The following PTGFR variants were observed in gnomAD, a reference collection of about 807,000 sequenced individuals.
PTGFR encodes the protein prostaglandin F2-alpha receptor.
Under a neutral mutation model 26.2 loss-of-function variants are expected in PTGFR, and 15 were observed. The observed-to-expected ratio is 0.57, with a 90% confidence interval of 0.38 to 0.88. PTGFR has a LOEUF of 0.88. Ranked by LOEUF, PTGFR falls within the 40% of genes least tolerant of loss-of-function variation. The pLI is 0.00. For synonymous variants in PTGFR, 165 were observed against 151.1 expected (o/e 1.09, Z -0.68); for missense variants, 369 against 427.2 (o/e 0.86, Z 1.20).
chr1:78,518,780 T>G (rs1650156575), intron 2 of PTGFR, among the ~76,000 whole-genome samples: 1 of 152,094 alleles, frequency 6.6e-6, no homozygotes, highest in South Asian at 2.1e-4. Context: ...TTCAAATGTG[T>G]AAAACATGAG....
intron 2 of PTGFR, among the ~76,000 whole-genome samples, chr1:78,508,344 G>A (rs1649875431): frequency 6.6e-6 from 1 of 152,140 alleles, no homozygotes; most frequent in East Asian, 1.9e-4. Flanking sequence ...TAATAATAGT[G>A]TTTTTCCTCT....
intron 2 of PTGFR, among the ~76,000 whole-genome samples, chr1:78,522,364 T>C (rs1392256004): frequency 6.6e-6 from 1 of 152,096 alleles, no homozygotes; most frequent in Non-Finnish European, 1.5e-5. Context: ...CCATGCCATA[T>C]AATATAACAT....
At chr1:78,499,977 T>C (rs1649660749) in intron 2 of PTGFR, among the ~76,000 whole-genome samples, 1 of 152,192 alleles carries the variant, frequency 6.6e-6, no homozygotes, top group South Asian at 2.1e-4. Context: ...AAGGAAAATA[T>C]TAGGTAACAG....
Position 78,537,010 on chromosome 1 carries a change from T to C in PTGFR, c.*323T>C, listed in dbSNP as rs1017864318. 8 of 257,798 alleles carry C rather than the reference T, an allele frequency of 3.1e-5. No homozygotes were observed. 16.0% of individuals were successfully genotyped at this position (257,798 alleles called of 1,614,324 possible). ...GGTCTAATGCCTTTACTTGGCCTATTTGCCAGAGAACATCTTAATGCAGCC... is the reference window on the plus strand; with the variant it reads ...GGTCTAATGCCTTTACTTGGCCTATCTGCCAGAGAACATCTTAATGCAGCC... On this transcript the variant is annotated 3_prime_UTR_variant, in exon 3 of 3. Transcript: ENST00000370757.
chr1:78,499,569 T>A (rs1649648692), intron 2 of PTGFR, among the ~76,000 whole-genome samples: 1 of 152,196 alleles, frequency 6.6e-6, no homozygotes, highest in Non-Finnish European at 1.5e-5. Context: ...CAGGACCTGG[T>A]TGATAGCCCC....
chr1:78,528,599 T>C (rs997425309), intron 2 of PTGFR, among the ~76,000 whole-genome samples: 2 of 152,156 alleles, frequency 1.3e-5, no homozygotes, highest in Non-Finnish European at 1.5e-5. Flanking sequence ...ATTTGGTCTG[T>C]AGGTTTAGAT....
Position 78,539,355 on chromosome 1 carries a change from TTAAATA to T in PTGFR, c.*2671_*2676del, listed in dbSNP as rs1650737180. ...TTTAGAACCCAAATAAGAGGACTTG[TTAAATA>T]TAGAGTGTACTTTTTGTTAAAACTA... On this transcript the variant is annotated 3_prime_UTR_variant, in exon 3 of 3. Transcript: ENST00000370757. 6.6e-6 allele frequency: 1 copy of T among 152,178 alleles called. No individual in the cohort carries two copies. The highest frequency in any genetic ancestry group is 1.5e-5 in the Non-Finnish European group (1 of 67,994). 9.4% of individuals were successfully genotyped at this position (152,178 alleles called of 1,614,324 possible). A position where few individuals can be genotyped will look rare whatever the true frequency, so the allele number is the denominator to read the frequency against.
At chr1:78,509,815 A>G (rs183669267) in intron 2 of PTGFR, among the ~76,000 whole-genome samples, 185 of 152,302 alleles carry the variant, frequency 1.2e-3, no homozygotes, top group Middle Eastern at 0.01. Context: ...GGATTTCCAC[A>G]TCATTGATTT....
intron 2 of PTGFR, among the ~76,000 whole-genome samples, chr1:78,494,280 A>G (rs755430540): frequency 1.3e-5 from 2 of 152,276 alleles, no homozygotes; most frequent in African/African-American, 2.4e-5. Context: ...CATATTTATG[A>G]TAGATAAGTA....
chr1:78,520,708 T>C (rs1428489593), intron 2 of PTGFR, among the ~76,000 whole-genome samples: 1 of 152,112 alleles, frequency 6.6e-6, no homozygotes, highest in Admixed American at 6.6e-5. Flanking sequence ...AGCATGTCTT[T>C]ATTGCTTATC....
intron 2 of PTGFR, among the ~76,000 whole-genome samples, chr1:78,510,589 A>G (rs1311528619): frequency 6.6e-6 from 1 of 152,178 alleles, no homozygotes. Context: ...CACTGGAGAT[A>G]ACATTTCAAC....
At chr1:78,528,294 CAAAAAAAA>C (rs35137595) in intron 2 of PTGFR, among the ~76,000 whole-genome samples, 1 of 20,104 alleles carries the variant, frequency 5.0e-5, no homozygotes, top group Admixed American at 7.9e-4. Context: ...AGAAAGTTAG[CAAAAAAAA>C]AAAAAAAAAA....
chr1:78,492,308 T>C (rs1013687703), intron 1 of PTGFR, among the ~76,000 whole-genome samples: 1 of 152,220 alleles, frequency 6.6e-6, no homozygotes, highest in African/African-American at 2.4e-5. Context: ...TCTCTCTTTT[T>C]TAATAGACTT....
chr1:78,526,888 T>C (rs1019800039), intron 2 of PTGFR, among the ~76,000 whole-genome samples: 2 of 152,122 alleles, frequency 1.3e-5, no homozygotes, highest in East Asian at 3.9e-4. Context: ...GACTTGTCCA[T>C]AAAATAGAGG....
chr1:78,490,983 C>A lies in PTGFR; in HGVS notation c.-326C>A, dbSNP rs908806890. ...GGAAGAGGCGGAGGTCACTCGCGCG[C>A]CCCATCCCTCCCAGGCTGCCAGCGC... On this transcript the variant is annotated 5_prime_UTR_variant, in exon 1 of 3. Transcript: ENST00000370757. The A allele has an allele frequency of 7.9e-5, 12 of 152,626 alleles. No individual in the cohort carries two copies. Among genetic ancestry groups the A allele is most frequent in the African/African-American group, 2.9e-4 (12 of 41,478 alleles). 9.5% of individuals were successfully genotyped at this position (152,626 alleles called of 1,614,324 possible).
intron 2 of PTGFR, among the ~76,000 whole-genome samples, chr1:78,516,462 G>A (rs1193028413): frequency 1.3e-5 from 2 of 152,160 alleles, no homozygotes; most frequent in Non-Finnish European, 2.9e-5. Flanking sequence ...AACCTTAAAA[G>A]GAGGATTATT....
At chr1:78,498,514 T>C (rs1048638656) in intron 2 of PTGFR, among the ~76,000 whole-genome samples, 1 of 152,158 alleles carries the variant, frequency 6.6e-6, no homozygotes, top group South Asian at 2.1e-4. Context: ...CACATAAATG[T>C]TAAATTATTT....
At chr1:78,515,512 G>A (rs1298388528) in intron 2 of PTGFR, among the ~76,000 whole-genome samples, 1 of 152,122 alleles carries the variant, frequency 6.6e-6, no homozygotes, top group Admixed American at 6.5e-5. Flanking sequence ...ATGTATATGT[G>A]GCTGGTGGCT....
intron 2 of PTGFR, among the ~76,000 whole-genome samples, chr1:78,508,241 A>T (rs1480265064): frequency 6.6e-6 from 1 of 152,126 alleles, no homozygotes. Flanking sequence ...TTATCTTTTC[A>T]TGCATCATAT....
Sources: gnomAD v4.1 joint callset for allele counts (sites outside exome capture counted in the v4.1 genomes callset) on GRCh38, gnomAD v4.1.1 for gene constraint, MANE v1.5 for transcripts, NCBI Gene and HGNC (gene_info 2026-07-23, HGNC 2026-07-21) for gene names.